Variants in LRMDA observed in about 807,000 individuals in gnomAD.
The protein encoded by LRMDA is leucine-rich melanocyte differentiation-associated protein.
A neutral mutation model predicts 29.8 loss-of-function variants in LRMDA; 18 were observed. The ratio of observed to expected loss-of-function variants is 0.60; its 90% CI spans 0.42 to 0.90. LRMDA has a LOEUF of 0.90. Ranked by LOEUF, LRMDA falls within the 40% of genes least tolerant of loss-of-function variation. The pLI is 0.00. For synonymous variants in LRMDA, 125 were observed against 109.4 expected, an observed-to-expected ratio of 1.14 and a Z score of -0.89; for missense variants, 273 against 273.9, an observed-to-expected ratio of 1.00 and a Z score of 0.02.
intron 2 of LRMDA, among the ~76,000 whole-genome samples, chr10:75,594,019 C>G (rs1840755492): frequency 6.6e-6 from 1 of 152,254 alleles, no homozygotes; most frequent in Admixed American, 6.5e-5. Context: ...ACCAGTTGTT[C>G]TGTGAGTAAG....
intron 5 of LRMDA, among the ~76,000 whole-genome samples, chr10:76,105,888 A>G (rs2132107827): frequency 6.6e-6 from 1 of 152,274 alleles, no homozygotes. Context: ...CTGGGACTAC[A>G]GGCGCATGCC....
intron 6 of LRMDA, among the ~76,000 whole-genome samples, chr10:76,529,239 T>C (rs1426816139): frequency 6.6e-6 from 1 of 152,102 alleles, no homozygotes. Flanking sequence ...CTTTTATGAT[T>C]GTGGTGAGGA....
intron 2 of LRMDA, among the ~76,000 whole-genome samples, chr10:75,626,837 T>C (rs796352205): frequency 2.8e-4 from 42 of 152,246 alleles, no homozygotes; most frequent in African/African-American, 9.9e-4. Context: ...GGTTGGAGGG[T>C]CACTCTTCTG....
intron 2 of LRMDA, among the ~76,000 whole-genome samples, chr10:75,652,213 GA>G (rs1368597638): frequency 1.3e-5 from 2 of 152,188 alleles, no homozygotes; most frequent in African/African-American, 4.8e-5. Flanking sequence ...AAGCAAGTCC[GA>G]CATCCCTCGA....
Position 75,507,682 on chromosome 10 carries a change from A to G in LRMDA, c.131+69188A>G, listed in dbSNP as rs117268768. On this transcript the variant is annotated intron_variant, in intron 2 of 6. Transcript: ENST00000611255. Reference sequence around the variant, plus strand: ...CTTCTTAATGACTTATTTGTACTGGAAAGCAAACTATTAATCACAAACAGA... The same window carrying G: ...CTTCTTAATGACTTATTTGTACTGGGAAGCAAACTATTAATCACAAACAGA... 6.0e-3 allele frequency among the ~76,000 whole-genome samples: 908 copies of G among 152,296 alleles called. 2 individuals carry two copies. Among genetic ancestry groups the G allele is most frequent in the Middle Eastern group, 0.014 (4 of 294 alleles).
chr10:76,153,592 C>T (rs569855813), intron 5 of LRMDA, among the ~76,000 whole-genome samples: 5 of 152,094 alleles, frequency 3.3e-5, no homozygotes, highest in Non-Finnish European at 7.4e-5. Flanking sequence ...GCATTCTTGT[C>T]AGGTTCTTGA....
At chr10:76,237,477 T>C (rs781263807) in intron 5 of LRMDA, among the ~76,000 whole-genome samples, 8 of 152,180 alleles carry the variant, frequency 5.3e-5, no homozygotes, top group Non-Finnish European at 1.2e-4. Context: ...TTAGAGCTGA[T>C]TACACTAAGA....
intron 2 of LRMDA, among the ~76,000 whole-genome samples, chr10:75,774,498 C>T (rs934661934): frequency 7.2e-5 from 11 of 152,174 alleles, no homozygotes; most frequent in Non-Finnish European, 1.3e-4. Context: ...GTGGATATGA[C>T]ATATTGTTAG....
At chr10:75,719,605 T>C (rs182100045) in intron 2 of LRMDA, among the ~76,000 whole-genome samples, 1 of 152,176 alleles carries the variant, frequency 6.6e-6, no homozygotes, top group Non-Finnish European at 1.5e-5. Context: ...TTATTCTCCC[T>C]GGGGGCCAAG....
At chr10:76,537,606 C>T (rs1315621841) in intron 6 of LRMDA, among the ~76,000 whole-genome samples, 4 of 152,192 alleles carry the variant, frequency 2.6e-5, no homozygotes, top group African/African-American at 7.2e-5. Flanking sequence ...GACACTGCAC[C>T]GCTCTGACGG....
chr10:76,533,009 T>C (rs562723005), intron 6 of LRMDA, among the ~76,000 whole-genome samples: 1 of 152,256 alleles, frequency 6.6e-6, no homozygotes, highest in African/African-American at 2.4e-5. Context: ...CCATTTTTAT[T>C]TAAATTATTT....
At chr10:76,454,215 T>C (rs1842434331) in intron 6 of LRMDA, among the ~76,000 whole-genome samples, 1 of 152,150 alleles carries the variant, frequency 6.6e-6, no homozygotes. Flanking sequence ...ATGAATCACA[T>C]AGATGGAGGA....
chr10:75,477,346 A>G (rs1282662905), intron 2 of LRMDA, among the ~76,000 whole-genome samples: 1 of 152,152 alleles, frequency 6.6e-6, no homozygotes, highest in Non-Finnish European at 1.5e-5. Context: ...CCTGTCTCCC[A>G]TTCTGAGAAT....
At chr10:75,501,755 G>A (rs1334277154) in intron 2 of LRMDA, among the ~76,000 whole-genome samples, 1 of 152,194 alleles carries the variant, frequency 6.6e-6, no homozygotes, top group Non-Finnish European at 1.5e-5. Flanking sequence ...TTTAGTCAGG[G>A]AAGATATTGC....
chr10:75,486,374 C>T (rs992462895), intron 2 of LRMDA, among the ~76,000 whole-genome samples: 5 of 152,004 alleles, frequency 3.3e-5, no homozygotes, highest in African/African-American at 4.8e-5. Context: ...GTTTTTGATC[C>T]GCTTGACTTA....
At chr10:75,725,372 G>A (rs1428206198) in intron 2 of LRMDA, among the ~76,000 whole-genome samples, 2 of 152,234 alleles carry the variant, frequency 1.3e-5, no homozygotes, top group African/African-American at 4.8e-5. Flanking sequence ...GAGGGGCCGA[G>A]CCCCGCTCTT....
At chr10:75,549,336 C>T (rs1170089200) in intron 2 of LRMDA, among the ~76,000 whole-genome samples, 4 of 152,054 alleles carry the variant, frequency 2.6e-5, no homozygotes, top group Non-Finnish European at 4.4e-5. Context: ...GCAGATCCTG[C>T]ACATATGAAG....
At chr10:76,264,103 A>T (rs1564704430) in intron 5 of LRMDA, among the ~76,000 whole-genome samples, 1 of 152,116 alleles carries the variant, frequency 6.6e-6, no homozygotes, top group African/African-American at 2.4e-5. Flanking sequence ...TAATGTTGAA[A>T]GGAAGCAGGT....
intron 5 of LRMDA, among the ~76,000 whole-genome samples, chr10:76,251,268 C>G (rs1416283589): frequency 2.5e-4 from 23 of 90,804 alleles, no homozygotes; most frequent in African/African-American, 7.9e-4. Context: ...TTTTTTGAGA[C>G]GGAGTCTCGC....
Sources: allele counts gnomAD v4.1 joint callset (sites outside exome capture counted in the v4.1 genomes callset), GRCh38; gene constraint gnomAD v4.1.1; transcripts MANE v1.5; gene names NCBI Gene and HGNC (gene_info 2026-07-23, HGNC 2026-07-21).